The following TNS1 variants were observed in gnomAD, a reference collection of about 807,000 sequenced individuals.
TNS1 encodes tensin 1, also known as tensin-1.
A neutral mutation model predicts 168.6 loss-of-function variants in TNS1; 62 were observed. The observed-to-expected ratio is 0.37, with a 90% CI of 0.30 to 0.45. TNS1 has a LOEUF of 0.45. Ranked by LOEUF, TNS1 falls within the 20% of genes least tolerant of loss-of-function variation. The pLI is 1.00. For missense variants in TNS1, 2,240 were observed against 2,339.4 expected (o/e 0.96, Z 0.88); for synonymous variants, 934 against 933.2 (o/e 1.00, Z -0.02).
intron 1 of TNS1, among the ~76,000 whole-genome samples, chr2:218,023,215 C>T (rs951830098): frequency 1.3e-5 from 2 of 152,142 alleles, no homozygotes; most frequent in African/African-American, 2.4e-5. Context: ...GCAGAAAAGG[C>T]GAGGAGACAC....
intron 3 of TNS1, among the ~76,000 whole-genome samples, chr2:217,929,010 G>A (rs1364546331): frequency 6.6e-6 from 1 of 152,220 alleles, no homozygotes; most frequent in Non-Finnish European, 1.5e-5. Context: ...GGGAAGAGCA[G>A]GTGTGCCTGA....
At chr2:218,014,044 A>C (rs1958734577), upstream of TNS1, among the ~76,000 whole-genome samples, 1 of 152,200 alleles carries the variant, frequency 6.6e-6, no homozygotes, top group South Asian at 2.1e-4. Flanking sequence ...AGAGCAGGTC[A>C]TGGGAGGAGG....
rs1937779477 is a variant in TNS1 at position 217,803,384 on chromosome 2, C to T, written c.*1075G>A. 1 of 152,320 alleles carries T rather than the reference C, an allele frequency of 6.6e-6. No individual in the cohort carries two copies. Among genetic ancestry groups the T allele is most frequent in the African/African-American group, 2.4e-5 (1 of 41,432 alleles). 9.4% of individuals were successfully genotyped at this position (152,320 alleles called of 1,614,324 possible). ...AAGGCTGGTCCAGGGGCATGAAACC[C>T]AATAACAAGGCTGAGAGGTGGGAGC... On this transcript the variant is annotated 3_prime_UTR_variant, in exon 33 of 33. Transcript: ENST00000682258.
chr2:217,821,521 C>T (rs938166382), intron 23 of TNS1, among the ~76,000 whole-genome samples: 9 of 152,202 alleles, frequency 5.9e-5, no homozygotes, highest in East Asian at 1.9e-4. Context: ...GAATTGAATG[C>T]GGCCTGGGAA....
In TNS1 at chr2:217,900,397, A is replaced by G. The variant is rs538668465; in HGVS notation, c.371+66T>C. ...CCGGGGGACCCAGAGGCAAGACTTAACAGGGACACCCACAGTGACCCCCCT... is the reference window on the plus strand; with the variant it reads ...CCGGGGGACCCAGAGGCAAGACTTAGCAGGGACACCCACAGTGACCCCCCT... On this transcript the variant is annotated intron_variant, in intron 7 of 32. Coordinates refer to ENST00000682258, the MANE Select transcript of TNS1 (RefSeq NM_001387777.1). 362 of 1,509,538 alleles carry G rather than the reference A, an allele frequency of 2.4e-4. 4 individuals carry two copies. In the African/African-American group the frequency reaches 4.7e-3, roughly 20 times the overall value. 93.5% of individuals were successfully genotyped at this position (1,509,538 alleles called of 1,614,324 possible). A position where few individuals can be genotyped will look rare whatever the true frequency, so the allele number is the denominator to read the frequency against.
intron 2 of TNS1, among the ~76,000 whole-genome samples, chr2:217,979,528 GACAC>G (rs35499293): frequency 0.12 from 17,462 of 146,714 alleles, 1,058 homozygotes; most frequent in South Asian, 0.16. Context: ...GAAACACACA[GACAC>G]ACACACACAC....
In TNS1 at chr2:217,886,072, T is replaced by C; in HGVS notation, c.1012A>G (p.Met338Val). ...CRPFLRIYQA[M>V]QPVYTSGIYN... is the part of the protein sequence containing the mutation. ...ATGCCAGATGTGTACACAGGTTGCATGGCCTGGTAGATGCGGAGAAATGGC... is the reference window on the plus strand; with the variant it reads ...ATGCCAGATGTGTACACAGGTTGCACGGCCTGGTAGATGCGGAGAAATGGC... Residue 338 changes from methionine (M) to valine (V), a missense_variant, in exon 14 of 33, where the codon ATG becomes GTG. By Grantham distance (21) the Met-to-Val change is conservative. Coordinates refer to ENST00000682258, the MANE Select transcript of TNS1 (RefSeq NM_001387777.1). The C allele has an allele frequency of 1.2e-6, 2 of 1,613,862 alleles. No homozygotes were observed. Among genetic ancestry groups the C allele is most frequent in the Non-Finnish European group, 1.7e-6 (2 of 1,179,980 alleles).
At chr2:217,968,915 G>C (rs528194145) in intron 3 of TNS1, among the ~76,000 whole-genome samples, 6 of 152,132 alleles carry the variant, frequency 3.9e-5, no homozygotes, top group African/African-American at 1.4e-4. Flanking sequence ...GGCTGGTCTC[G>C]AACTCCTTAC....
chr2:217,876,403 T>A (rs927495448), intron 18 of TNS1, among the ~76,000 whole-genome samples: 1 of 152,146 alleles, frequency 6.6e-6, no homozygotes, highest in Non-Finnish European at 1.5e-5. Context: ...AAAACTGGTG[T>A]TAGCCAGAGC....
At chr2:217,832,555 A>G (rs1292700430) in intron 21 of TNS1, among the ~76,000 whole-genome samples, 1 of 152,246 alleles carries the variant, frequency 6.6e-6, no homozygotes, top group East Asian at 1.9e-4. Flanking sequence ...TCAACAGATT[A>G]GCTGTGGCCC....
At chr2:217,913,598 C>T (rs144282327) in intron 4 of TNS1, among the ~76,000 whole-genome samples, 1 of 152,272 alleles carries the variant, frequency 6.6e-6, no homozygotes, top group Non-Finnish European at 1.5e-5. Flanking sequence ...CCCTGCCAAG[C>T]CACCCTGAAA....
chr2:217,967,115 C>T (rs563604127), intron 3 of TNS1, among the ~76,000 whole-genome samples: 14 of 152,162 alleles, frequency 9.2e-5, no homozygotes, highest in African/African-American at 3.1e-4. Context: ...GTCAGGAGAT[C>T]GAGATCATCC....
At chr2:217,828,076 T>C (rs529748368) in intron 22 of TNS1, among the ~76,000 whole-genome samples, 58 of 152,250 alleles carry the variant, frequency 3.8e-4, no homozygotes, top group Non-Finnish European at 6.2e-4. Context: ...AATTCTAGAC[T>C]CTCTCTCCCA....
At chr2:217,935,619 C>G (rs767645633) in intron 3 of TNS1, among the ~76,000 whole-genome samples, 6 of 152,208 alleles carry the variant, frequency 3.9e-5, no homozygotes, top group Non-Finnish European at 7.3e-5. Flanking sequence ...TCCAGAGGAG[C>G]CTCATCTATC....
chr2:218,019,205 A>G (rs1275080533), intron 1 of TNS1, among the ~76,000 whole-genome samples: 3 of 152,230 alleles, frequency 2.0e-5, no homozygotes, highest in Non-Finnish European at 2.9e-5. Flanking sequence ...CTGGGACCCT[A>G]TAGACGGGGA....
Position 217,804,285 on chromosome 2 carries a change from TCTC to T in TNS1, c.*171_*173del, listed in dbSNP as rs1007525647. 2.9e-6 allele frequency: 2 copies of T among 695,990 alleles called. No individual in the cohort carries two copies. Among genetic ancestry groups the T allele is most frequent in the Admixed American group, 5.9e-5 (2 of 34,154 alleles). 43.1% of individuals were successfully genotyped at this position (695,990 alleles called of 1,614,324 possible). A position where few individuals can be genotyped will look rare whatever the true frequency, so the allele number is the denominator to read the frequency against. ...CTCTCTCTCTCTCTCTCTCTCTCTC[TCTC>T]TTTTCCCCCTCCCCTCTGCAATTCA... On this transcript the variant is annotated 3_prime_UTR_variant, in exon 33 of 33. Transcript: ENST00000682258.
intron 3 of TNS1, among the ~76,000 whole-genome samples, chr2:217,944,384 G>C (rs939909466): frequency 1.3e-5 from 2 of 152,234 alleles, no homozygotes; most frequent in African/African-American, 4.8e-5. Context: ...GAAGCGGGCA[G>C]GGAGGGGTCA....
intron 3 of TNS1, among the ~76,000 whole-genome samples, chr2:217,965,316 T>G (rs1180481546): frequency 2.6e-5 from 4 of 152,184 alleles, no homozygotes; most frequent in Non-Finnish European, 4.4e-5. Context: ...AAGGTCAGCA[T>G]GATATCAGCA....
rs759825338 is a variant in TNS1 at position 217,869,776 on chromosome 2, C to T, written c.1429+11122G>A. ...GCCCCTGAACCCCTTCAATAGCAGA[C>T]GGGGGAATGGAGCCCCAGGACTCTG... On this transcript the variant is annotated intron_variant, in intron 18 of 32. Coordinates refer to ENST00000682258, the MANE Select transcript of TNS1 (RefSeq NM_001387777.1). Among the ~76,000 whole-genome samples, 36 of 152,198 alleles carry T rather than the reference C, an allele frequency of 2.4e-4. 1 individual carries two copies. The highest frequency in any genetic ancestry group is 4.1e-4 in the Non-Finnish European group (28 of 68,030).
Sources: allele counts gnomAD v4.1 joint callset (sites outside exome capture counted in the v4.1 genomes callset), GRCh38; gene constraint gnomAD v4.1.1; transcripts MANE v1.5; gene names NCBI Gene and HGNC (gene_info 2026-07-23, HGNC 2026-07-21).